Variants in FKRP observed in about 807,000 individuals in gnomAD.
FKRP encodes fukutin related protein.
A neutral mutation model predicts 30.6 loss-of-function variants in FKRP; 25 were observed. The ratio of observed to expected loss-of-function variants is 0.82; its 90% confidence interval spans 0.60 to 1.14. FKRP has a LOEUF of 1.14. Ranked by LOEUF, FKRP falls within the 50% of genes most tolerant of loss-of-function variation. FKRP has a pLI of 0.00. For missense variants in FKRP, 771 were observed against 727.8 expected (o/e 1.06, Z -0.68); for synonymous variants, 358 against 342.5 (o/e 1.05, Z -0.50).
upstream of FKRP, among the ~76,000 whole-genome samples, chr19:46,745,101 C>T (rs756050647): frequency 5.9e-5 from 9 of 151,670 alleles, no homozygotes; most frequent in African/African-American, 9.7e-5. Flanking sequence ...AATTCTCCCC[C>T]CTAAAGCATC....
Position 46,758,119 on chromosome 19 carries a change from G to C in FKRP, c.*1181G>C, listed in dbSNP as rs990420493. The C allele has an allele frequency of 1.8e-5, 3 of 167,126 alleles. No homozygotes were observed. In the East Asian group the frequency reaches 5.8e-4, roughly 32 times the overall value. 10.4% of individuals were successfully genotyped at this position (167,126 alleles called of 1,614,324 possible). ...AATGCGTCCCTCACCTCAGCCCTCT[G>C]AAGTGACAGCTGCTATTATTTTCAT... On this transcript the variant is annotated 3_prime_UTR_variant, in exon 4 of 4. Transcript: ENST00000318584.
Position 46,755,643 on chromosome 19 carries a change from G to T in FKRP, c.193G>T (p.Glu65Ter). The change falls in exon 4 of 4, where the codon GAG becomes TAG. Residue 65 changes from glutamate (E) to a stop codon, truncating the protein, a stop_gained. Coordinates refer to ENST00000318584, the MANE Select transcript of FKRP (RefSeq NM_024301.5). LOFTEE classifies it high-confidence loss of function. ...EFEAFDNAVP[E>*]LVDSFLQQDP... ...CGAGGCATTTGACAACGCGGTGCCC[G>T]AGCTGGTAGACTCCTTCCTGCAGCA... is the stretch of plus-strand genomic sequence containing the variant. 1 of 1,598,990 alleles carries T rather than the reference G, an allele frequency of 6.3e-7. No individual in the cohort carries two copies. Among genetic ancestry groups the T allele is most frequent in the East Asian group, 2.2e-5 (1 of 44,534 alleles).
At position 46,755,563 on chromosome 19, in the gene FKRP, G is replaced by C; in HGVS notation, c.113G>C (p.Gly38Ala). The change falls in exon 4 of 4, where the codon GGG (glycine) becomes GCG (alanine). Residue 38 changes from glycine to alanine, a missense_variant. Coordinates refer to ENST00000318584, the MANE Select transcript of FKRP (RefSeq NM_024301.5). ...QHQPRNSRAR[G>A]PRRASAAGPR... ...CAGCCTAGGAATTCCCGGGCCCGGG[G>C]GCCCCGTCGTGCCTCTGCTGCCGGC... The C allele has an allele frequency of 1.2e-6, 2 of 1,606,708 alleles. No homozygotes were observed. The highest frequency in any genetic ancestry group is 1.7e-6 in the Non-Finnish European group (2 of 1,177,120).
At chr19:46,751,716 C>G (rs2054796780) in intron 3 of FKRP, among the ~76,000 whole-genome samples, 1 of 152,062 alleles carries the variant, frequency 6.6e-6, no homozygotes, top group Admixed American at 6.6e-5. Flanking sequence ...CAGGCGCCCG[C>G]CACCGCGCCT....
In FKRP at chr19:46,757,240, G is replaced by A; in HGVS notation, c.*302G>A. The A allele has an allele frequency of 1.9e-6, 1 of 530,170 alleles. No individual in the cohort carries two copies. Among genetic ancestry groups the A allele is most frequent in the Non-Finnish European group, 3.5e-6 (1 of 282,636 alleles). 32.8% of individuals were successfully genotyped at this position (530,170 alleles called of 1,614,324 possible). ...GACGGGGATGTCACGCCGTCCCGCA[G>A]GGCCCAGCACAGCCCCAGACCCGAA... is the stretch of plus-strand genomic sequence containing the variant. On this transcript the variant is annotated 3_prime_UTR_variant, in exon 4 of 4. Transcript: ENST00000318584.
In FKRP at chr19:46,756,425, CGCCCGCT is replaced by C. The variant is rs2054925633; in HGVS notation, c.976_982del (p.Ala326MetfsTer100). On this transcript the variant is annotated frameshift_variant, in exon 4 of 4. Coordinates refer to ENST00000318584, the MANE Select transcript of FKRP (RefSeq NM_024301.5). LOFTEE classifies it high-confidence loss of function. The surrounding 1 kb of genome is among the most constrained non-coding windows in gnomAD (Gnocchi z 6.6). ...GCTGCCTGCGCGCGCTGCGCGAGACCGCCCGCTATGTGGTGGGCGTGCTGGAGGCTGC... is the reference window on the plus strand; with the variant it reads ...GCTGCCTGCGCGCGCTGCGCGAGACCATGTGGTGGGCGTGCTGGAGGCTGC... 3 of 1,580,984 alleles carry C rather than the reference CGCCCGCT, an allele frequency of 1.9e-6. No homozygotes were observed. Among genetic ancestry groups the C allele is most frequent in the Non-Finnish European group, 2.6e-6 (3 of 1,164,162 alleles).
At chr19:46,746,038 CG>C (rs763404097), upstream of FKRP, 8,750 of 1,189,464 alleles carry the variant, frequency 7.4e-3, 573 homozygotes, top group Middle Eastern at 9.1e-3. Flanking sequence ...CCCGCCCCCC[CG>C]CCGGCCGTCC....
rs771135903 is a variant in FKRP at position 46,756,106 on chromosome 19, G to A, written c.656G>A (p.Gly219Asp). ...NLSAPLARPV[G>D]TSLFLQTALR... ...TCGGCGCCCCTGGCCCGGCCGGTGGGCACCAGCCTCTTTCTGCAGACCGCC... is the reference window on the plus strand; with the variant it reads ...TCGGCGCCCCTGGCCCGGCCGGTGGACACCAGCCTCTTTCTGCAGACCGCC... Residue 219 changes from glycine to aspartate, a missense_variant, in exon 4 of 4, where the codon GGC (glycine) becomes GAC (aspartate). Physicochemically the swap from Gly to Asp is moderately conservative, Grantham distance 94. Transcript: ENST00000318584. This position sits in a 1 kb window ranked among gnomAD's most constrained non-coding sequence, Gnocchi z 6.6. 2 of 1,526,834 alleles carry A rather than the reference G, an allele frequency of 1.3e-6. No individual in the cohort carries two copies. Among genetic ancestry groups the A allele is most frequent in the African/African-American group, 1.4e-5 (1 of 69,900 alleles). The allele number at this position is 1,526,834 out of a possible 1,614,324, so 94.6% of individuals were successfully genotyped here. A position where few individuals can be genotyped will look rare whatever the true frequency, so the allele number is the denominator to read the frequency against.
Position 46,746,107 on chromosome 19 carries a change from C to T in FKRP, c.-253+17C>T. On this transcript the variant is annotated intron_variant, in intron 1 of 3. Transcript: ENST00000318584. The stretch of plus-strand genomic sequence containing the variant: ...CGGCAGCGGGTGAGGCCGGGCCGGG[C>T]CGGGCCGGGTTGGGGGTCGGGGGTC... The T allele has an allele frequency of 1.4e-6, 2 of 1,406,786 alleles. No homozygotes were observed. Among genetic ancestry groups the T allele is most frequent in the East Asian group, 3.3e-5 (1 of 30,118 alleles). 87.1% of individuals were successfully genotyped at this position (1,406,786 alleles called of 1,614,324 possible).
In FKRP at chr19:46,757,236, C is replaced by T. The variant is rs73060707; in HGVS notation, c.*298C>T. The T allele has an allele frequency of 0.034, 18,361 of 534,626 alleles. 404 individuals are homozygous for T. Among genetic ancestry groups the T allele is most frequent in the Middle Eastern group, 0.049 (92 of 1,896 alleles). The allele number at this position is 534,626 out of a possible 1,614,324, so 33.1% of individuals were successfully genotyped here. A position where few individuals can be genotyped will look rare whatever the true frequency, so the allele number is the denominator to read the frequency against. ...GGGAGACGGGGATGTCACGCCGTCC[C>T]GCAGGGCCCAGCACAGCCCCAGACC... On this transcript the variant is annotated 3_prime_UTR_variant, in exon 4 of 4. Transcript: ENST00000318584.
Position 46,755,493 on chromosome 19 carries a change from A to C in FKRP, c.43A>C (p.Thr15Pro), listed in dbSNP as rs886042998. ...CCAGGCTGCCCTGGCGGCCGCCATC[A>C]CCCTCAACCTTCTGGTCCTCTTCTA... ...RCQAALAAAITLNLLVLFYVS... is the reference protein window; with the variant it reads ...RCQAALAAAIPLNLLVLFYVS... Residue 15 changes from threonine (T) to proline (P), a missense_variant, in exon 4 of 4, where the codon ACC becomes CCC. By Grantham distance (38) the Thr-to-Pro change is conservative. Transcript: ENST00000318584. 5 of 1,609,660 alleles carry C rather than the reference A, an allele frequency of 3.1e-6. No individual in the cohort carries two copies. The African/African-American group carries it at 6.7e-5, about 22-fold the overall frequency.
At position 46,746,388 on chromosome 19, in the gene FKRP, A is replaced by C. The variant is rs1356299424; in HGVS notation, c.-253+298A>C. ...CCTGAGCCGAGCGGACGGCAGGAGGAGGCGGCGGCGGCGACCGCGGCGGCC... is the reference window on the plus strand; with the variant it reads ...CCTGAGCCGAGCGGACGGCAGGAGGCGGCGGCGGCGGCGACCGCGGCGGCC... On this transcript the variant is annotated intron_variant, in intron 1 of 3. Transcript: ENST00000318584. 5.6e-6 allele frequency: 6 copies of C among 1,064,662 alleles called. No individual in the cohort carries two copies. The African/African-American group carries it at 8.9e-5, about 16-fold the overall frequency. 66.0% of individuals were successfully genotyped at this position (1,064,662 alleles called of 1,614,324 possible).
Position 46,758,110 on chromosome 19 carries a change from C to T in FKRP, c.*1172C>T, listed in dbSNP as rs556911853. On this transcript the variant is annotated 3_prime_UTR_variant, in exon 4 of 4. Transcript: ENST00000318584. ...GGATCAACTAATGCGTCCCTCACCT[C>T]AGCCCTCTGAAGTGACAGCTGCTAT... The T allele has an allele frequency of 6.0e-6, 1 of 167,188 alleles. No individual in the cohort carries two copies. The highest frequency in any genetic ancestry group is 1.5e-5 in the Non-Finnish European group (1 of 68,144). The allele number at this position is 167,188 out of a possible 1,614,324, so 10.4% of individuals were successfully genotyped here. A position where few individuals can be genotyped will look rare whatever the true frequency, so the allele number is the denominator to read the frequency against.
At chr19:46,752,575 A>G (rs1465303026) in intron 3 of FKRP, among the ~76,000 whole-genome samples, 1 of 152,142 alleles carries the variant, frequency 6.6e-6, no homozygotes, top group Non-Finnish European at 1.5e-5. Flanking sequence ...GATTCTAAAG[A>G]TTAGAAAGGA....
Position 46,755,927 on chromosome 19 carries a change from G to A in FKRP, c.477G>A (p.Pro159=), listed in dbSNP as rs1599935385. Residue 159 remains proline, a synonymous_variant, in exon 4 of 4, where the codon CCG becomes CCA. Coordinates refer to ENST00000318584, the MANE Select transcript of FKRP (RefSeq NM_024301.5). ...GAAGCGCACGTCTGGTGGCCGCCCCGGTTGCCACGGCCAACCCTGCCAGGT... is the reference window on the plus strand; with the variant it reads ...GAAGCGCACGTCTGGTGGCCGCCCCAGTTGCCACGGCCAACCCTGCCAGGT... ...RAGSARLVAA[P]VATANPARCL... is the part of the protein sequence containing the mutation. 2.6e-6 allele frequency: 4 copies of A among 1,530,696 alleles called. No individual in the cohort carries two copies. Among genetic ancestry groups the A allele is most frequent in the Admixed American group, 4.0e-5 (2 of 50,150 alleles). The allele number at this position is 1,530,696 out of a possible 1,614,324, so 94.8% of individuals were successfully genotyped here.
Position 46,746,099 on chromosome 19 carries a change from G to T in FKRP, c.-253+9G>T. On this transcript the variant is annotated intron_variant, in intron 1 of 3. Transcript: ENST00000318584. ...GGCGGCGGCGGCAGCGGGTGAGGCC[G>T]GGCCGGGCCGGGCCGGGTTGGGGGT... The T allele has an allele frequency of 7.2e-7, 1 of 1,395,490 alleles. No homozygotes were observed. Among genetic ancestry groups the T allele is most frequent in the South Asian group, 1.4e-5 (1 of 69,724 alleles). The allele number at this position is 1,395,490 out of a possible 1,614,324, so 86.4% of individuals were successfully genotyped here.
intron 3 of FKRP, among the ~76,000 whole-genome samples, chr19:46,753,314 G>A (rs10425177): frequency 0.04 from 1,183 of 29,580 alleles, 1 homozygote; most frequent in Middle Eastern, 0.074. Flanking sequence ...AAAATTAGCC[G>A]GGTGTGGTGG....
chr19:46,756,288 G>A lies in FKRP; in HGVS notation c.838G>A (p.Glu280Lys), dbSNP rs2054920081. The A allele has an allele frequency of 2.0e-6, 3 of 1,528,554 alleles. No homozygotes were observed. Among genetic ancestry groups the A allele is most frequent in the Non-Finnish European group, 2.6e-6 (3 of 1,141,850 alleles). 94.7% of individuals were successfully genotyped at this position (1,528,554 alleles called of 1,614,324 possible). ...RALGIRLVSW[E>K]GGRLEWFGCN... The stretch of plus-strand genomic sequence containing the variant: ...GCTGGGCATCCGCCTAGTGAGCTGG[G>A]AAGGCGGGCGGCTGGAGTGGTTCGG... Residue 280 changes from glutamate to lysine, a missense_variant, in exon 4 of 4, where the codon GAA (glutamate) becomes AAA (lysine). Glu to Lys is a moderately conservative substitution (Grantham distance 56, BLOSUM62 1). Coordinates refer to ENST00000318584, the MANE Select transcript of FKRP (RefSeq NM_024301.5). This position sits in a 1 kb window ranked among gnomAD's most constrained non-coding sequence, Gnocchi z 6.6.
Position 46,755,470 on chromosome 19 carries a change from A to G in FKRP, c.20A>G (p.Gln7Arg). 2 of 1,608,368 alleles carry G rather than the reference A, an allele frequency of 1.2e-6. No homozygotes were observed. Among genetic ancestry groups the G allele is most frequent in the Non-Finnish European group, 1.7e-6 (2 of 1,179,316 alleles). The change falls in exon 4 of 4, where the codon CAG becomes CGG. Residue 7 changes from glutamine (Q) to arginine (R), a missense_variant. Coordinates refer to ENST00000318584, the MANE Select transcript of FKRP (RefSeq NM_024301.5). MRLTRCQAALAAAITLN... is the reference protein window; with the variant it reads MRLTRCRAALAAAITLN... ...GGCCCCATGCGGCTCACCCGCTGCC[A>G]GGCTGCCCTGGCGGCCGCCATCACC...
Sources: gnomAD v4.1 joint callset for allele counts (sites outside exome capture counted in the v4.1 genomes callset) on GRCh38, gnomAD v4.1.1 for gene constraint, Gnocchi (gnomAD v3.1) non-coding constraint, MANE v1.5 for transcripts, NCBI Gene and HGNC (gene_info 2026-07-23, HGNC 2026-07-21) for gene names.